The following PAWR variants were observed in gnomAD, a reference collection of about 807,000 sequenced individuals.
The protein encoded by PAWR is pro-apoptotic WT1 regulator.
Under a neutral mutation model 32.0 loss-of-function variants are expected in PAWR, and 23 were observed. The observed-to-expected ratio is 0.72, with a 90% CI of 0.52 to 1.02. The LOEUF (loss-of-function observed/expected upper bound fraction) is 1.02, where lower values mean the gene tolerates loss of function less well. PAWR is among the 50% of genes least tolerant of loss of function. The pLI is 0.00. For synonymous variants in PAWR, 226 were observed against 187.1 expected (o/e 1.21, Z -1.70); for missense variants, 457 against 437.7 (o/e 1.04, Z -0.39).
At chr12:79,641,005 G>C (rs1230599851) in intron 2 of PAWR, among the ~76,000 whole-genome samples, 1 of 152,160 alleles carries the variant, frequency 6.6e-6, no homozygotes, top group Non-Finnish European at 1.5e-5. Flanking sequence ...AAAATGAACA[G>C]AGGACTAAAA....
intron 2 of PAWR, among the ~76,000 whole-genome samples, chr12:79,639,811 A>ATTCCATTCCTTTTCCTTTTCCTT (rs1555237783): frequency 7.5e-6 from 1 of 133,682 alleles, no homozygotes; most frequent in African/African-American, 3.9e-5. Flanking sequence ...TTTCCATTCC[A>ATTCCATTCCTTTTCCTTTTCCTT]TTCCTTTTCC....
chr12:79,619,254 G>A (rs931206742), intron 3 of PAWR, among the ~76,000 whole-genome samples: 1 of 150,150 alleles, frequency 6.7e-6, no homozygotes, highest in Admixed American at 6.6e-5. Context: ...AGTCACTCGG[G>A]AGCCACCTTG....
chr12:79,672,944 T>C (rs1877980770), intron 2 of PAWR, among the ~76,000 whole-genome samples: 1 of 152,144 alleles, frequency 6.6e-6, no homozygotes, highest in Admixed American at 6.6e-5. Context: ...AAAACAATTC[T>C]TCTACAGCAC....
intron 2 of PAWR, among the ~76,000 whole-genome samples, chr12:79,641,244 C>T (rs928225689): frequency 6.6e-6 from 1 of 152,174 alleles, no homozygotes; most frequent in African/African-American, 2.4e-5. Flanking sequence ...ATAGCACCTA[C>T]GTGACAGCCA....
rs544047759 is a variant in PAWR at position 79,618,125 on chromosome 12, CT to C, written c.648+2950del. 6.1e-4 allele frequency among the ~76,000 whole-genome samples: 89 copies of C among 145,830 alleles called. 1 individual carries two copies. Among genetic ancestry groups the C allele is most frequent in the South Asian group, 3.9e-3 (18 of 4,604 alleles). On this transcript the variant is annotated intron_variant, in intron 3 of 6. Transcript: ENST00000328827. Reference sequence around the variant, plus strand: ...GAATTACCTCAAATACTCATCACTTCTTTTTTTTTTTGTTTCTTTTTTTGAG... The same window carrying C: ...GAATTACCTCAAATACTCATCACTTCTTTTTTTTTTGTTTCTTTTTTTGAG...
rs532333040 is a variant in PAWR, at chr12:79,620,898, A to T, written c.648+178T>A. Among the ~76,000 whole-genome samples, 7 of 152,256 alleles carry T rather than the reference A, an allele frequency of 4.6e-5. No individual in the cohort carries two copies. The South Asian group carries it at 8.3e-4, about 18-fold the overall frequency. On this transcript the variant is annotated intron_variant, in intron 3 of 6. Coordinates refer to ENST00000328827, the MANE Select transcript of PAWR (RefSeq NM_002583.4). ...GCACAAGCCGGAAAAGGGTGAAGAG[A>T]GTGTTCATGCTTACGGTGAGCCCAA...
intron 2 of PAWR, among the ~76,000 whole-genome samples, chr12:79,670,863 C>CT (rs899412523): frequency 4.1e-5 from 6 of 148,142 alleles, no homozygotes; most frequent in East Asian, 2.0e-4. Context: ...ATGTTTGCCA[C>CT]TTTTTTTTTA....
intron 2 of PAWR, among the ~76,000 whole-genome samples, chr12:79,644,107 CTCT>C (rs2136780749): frequency 6.6e-6 from 1 of 152,262 alleles, no homozygotes; most frequent in South Asian, 2.1e-4. Flanking sequence ...TATGTGGTTT[CTCT>C]TCTTTGTAAT....
intron 4 of PAWR, among the ~76,000 whole-genome samples, chr12:79,601,616 C>T (rs550008372): frequency 1.3e-5 from 2 of 151,918 alleles, no homozygotes; most frequent in South Asian, 2.1e-4. Flanking sequence ...ATAGGATTTA[C>T]AATATGACAA....
intron 4 of PAWR, among the ~76,000 whole-genome samples, chr12:79,600,648 CTTT>C (rs1025749975): frequency 3.5e-3 from 356 of 102,324 alleles, no homozygotes; most frequent in African/African-American, 0.015. Context: ...CCATACCTGG[CTTT>C]TTTTTTTTTT....
At chr12:79,664,661 G>GGGC (rs1555177490) in intron 2 of PAWR, among the ~76,000 whole-genome samples, 1 of 148,942 alleles carries the variant, frequency 6.7e-6, no homozygotes, top group African/African-American at 2.5e-5. Context: ...TCTTTGGCGG[G>GGGC]GGGGGGAGGA....
intron 5 of PAWR, among the ~76,000 whole-genome samples, chr12:79,594,952 A>G (rs1873693633): frequency 6.6e-6 from 1 of 152,166 alleles, no homozygotes; most frequent in South Asian, 2.1e-4. Context: ...CCTGACCTCA[A>G]GTGATCTGCC....
chr12:79,606,114 A>AC (rs1874172475), intron 4 of PAWR, among the ~76,000 whole-genome samples: 2 of 152,128 alleles, frequency 1.3e-5, no homozygotes, highest in Admixed American at 1.3e-4. Flanking sequence ...AAAGCCATAT[A>AC]CTATATGATT....
Position 79,589,315 on chromosome 12 carries a change from A to G in PAWR, c.*3292T>C, listed in dbSNP as rs1214507143. 3 of 152,108 alleles carry G rather than the reference A, an allele frequency of 2.0e-5. No homozygotes were observed. Among genetic ancestry groups the G allele is most frequent in the Non-Finnish European group, 2.9e-5 (2 of 67,956 alleles). 9.4% of individuals were successfully genotyped at this position (152,108 alleles called of 1,614,324 possible). A position where few individuals can be genotyped will look rare whatever the true frequency, so the allele number is the denominator to read the frequency against. ...ATGCTTCTCTATTACACTGACTTGT[A>G]CTATTTTCAAGAAATTAAGTGGATT... On this transcript the variant is annotated 3_prime_UTR_variant, in exon 7 of 7. Coordinates refer to ENST00000328827, the MANE Select transcript of PAWR (RefSeq NM_002583.4).
intron 2 of PAWR, among the ~76,000 whole-genome samples, chr12:79,670,830 T>C (rs1276876670): frequency 6.6e-6 from 1 of 151,290 alleles, no homozygotes; most frequent in Non-Finnish European, 1.5e-5. Flanking sequence ...AATTTATAAA[T>C]GAAATAATTT....
chr12:79,678,868 ATT>A (rs11383561), intron 2 of PAWR, among the ~76,000 whole-genome samples: 8 of 127,814 alleles, frequency 6.3e-5, no homozygotes, highest in African/African-American at 6.0e-5. Context: ...CCTTTAGGGT[ATT>A]TTTTTTTTTT....
chr12:79,588,048 T>G lies in PAWR; in HGVS notation c.*4559A>C, dbSNP rs1873437738. On this transcript the variant is annotated 3_prime_UTR_variant, in exon 7 of 7. Coordinates refer to ENST00000328827, the MANE Select transcript of PAWR (RefSeq NM_002583.4). The stretch of plus-strand genomic sequence containing the variant: ...GGTAGCAGCAGGATGCTACTTAAAT[T>G]TAGAAGAAAAACATAAGAATAAAAA... 6.6e-6 allele frequency: 1 copy of G among 151,968 alleles called. No individual in the cohort carries two copies. The highest frequency in any genetic ancestry group is 1.5e-5 in the Non-Finnish European group (1 of 67,866). The allele number at this position is 151,968 out of a possible 1,614,324, so 9.4% of individuals were successfully genotyped here. A position where few individuals can be genotyped will look rare whatever the true frequency, so the allele number is the denominator to read the frequency against.
intron 2 of PAWR, among the ~76,000 whole-genome samples, chr12:79,648,423 A>C (rs925528514): frequency 2.0e-5 from 3 of 152,060 alleles, no homozygotes; most frequent in African/African-American, 7.2e-5. Context: ...CAATTAAACA[A>C]AGTCAGAAGT....
chr12:79,622,757 C>A (rs1423655549), intron 2 of PAWR, among the ~76,000 whole-genome samples: 1 of 152,104 alleles, frequency 6.6e-6, no homozygotes, highest in African/African-American at 2.4e-5. Flanking sequence ...GGAAACAGCA[C>A]AAGAAAATTA....
Sources: allele counts gnomAD v4.1 joint callset (sites outside exome capture counted in the v4.1 genomes callset), GRCh38; gene constraint gnomAD v4.1.1; transcripts MANE v1.5; gene names NCBI Gene and HGNC (gene_info 2026-07-23, HGNC 2026-07-21).